TAF1A: variants seen among roughly 807,000 people sequenced by gnomAD.
The protein encoded by TAF1A is TATA box-binding protein-associated factor RNA polymerase I subunit A.
In TAF1A, 42 loss-of-function variants were observed where a neutral mutation model predicts 61.6. The observed-to-expected ratio is 0.68, with a 90% CI of 0.53 to 0.88. TAF1A has a LOEUF of 0.88. Ranked by LOEUF, TAF1A falls within the 40% of genes least tolerant of loss-of-function variation. The pLI is 0.00. For missense variants in TAF1A, 424 were observed against 518.7 expected (o/e 0.82, Z 1.77); for synonymous variants, 179 against 177.7 (o/e 1.01, Z -0.06).
rs187772024 is a variant in TAF1A, at chr1:222,576,086, A to G, written c.604+1359T>C. On this transcript the variant is annotated intron_variant, in intron 5 of 10. Coordinates refer to ENST00000352967, the MANE Select transcript of TAF1A (RefSeq NM_005681.4). ...AGATATCTGGACTAATAAAATACAC[A>G]TGAAAAAACTTAGCACAATTAGAAA... Among the ~76,000 whole-genome samples, 29 of 152,356 alleles carry G rather than the reference A, an allele frequency of 1.9e-4. No homozygotes were observed. The East Asian group carries it at 5.6e-3, about 29-fold the overall frequency.
At position 222,558,515 on chromosome 1, in the gene TAF1A, AAAT is replaced by A. The variant is rs1163321115; in HGVS notation, c.*142_*144del. ...GCAGTAATATTGTTTCTCTAGCTAT[AAAT>A]AATACAAAAATATAAAAATATATAA... On this transcript the variant is annotated 3_prime_UTR_variant, in exon 11 of 11. Coordinates refer to ENST00000352967, the MANE Select transcript of TAF1A (RefSeq NM_005681.4). 14 of 322,558 alleles carry A rather than the reference AAAT, an allele frequency of 4.3e-5. No individual in the cohort carries two copies. The highest frequency in any genetic ancestry group is 3.0e-4 in the African/African-American group (14 of 46,666). The allele number at this position is 322,558 out of a possible 1,614,324, so 20.0% of individuals were successfully genotyped here. A position where few individuals can be genotyped will look rare whatever the true frequency, so the allele number is the denominator to read the frequency against.
At chr1:222,557,883 T>A (rs1158476877), downstream of TAF1A, 2 of 122,352 alleles carry the variant, frequency 1.6e-5, no homozygotes, top group Non-Finnish European at 3.4e-5. Flanking sequence ...TCTTTTTGTT[T>A]TTTTTTTTTT....
intron 3 of TAF1A, among the ~76,000 whole-genome samples, chr1:222,583,166 CAG>C (rs1444236308): frequency 6.6e-6 from 1 of 152,064 alleles, no homozygotes; most frequent in African/African-American, 2.4e-5. Context: ...GCCTGGGCAA[CAG>C]AGCAAGACTC....
downstream of TAF1A, among the ~76,000 whole-genome samples, chr1:222,557,609 C>T (rs1032669295): frequency 2.3e-5 from 3 of 130,386 alleles, no homozygotes; most frequent in Non-Finnish European, 5.0e-5. Flanking sequence ...CACCACCAAG[C>T]CCGGCTAATT....
intron 5 of TAF1A, among the ~76,000 whole-genome samples, chr1:222,574,351 C>CA (rs1371545729): frequency 2.0e-5 from 3 of 152,044 alleles, no homozygotes; most frequent in African/African-American, 7.2e-5. Flanking sequence ...CTGACAATAA[C>CA]AAATGTTGAG....
chr1:222,561,662 A>G lies in TAF1A; in HGVS notation c.1086-144T>C, dbSNP rs140827769. On this transcript the variant is annotated intron_variant, in intron 9 of 10. Coordinates refer to ENST00000352967, the MANE Select transcript of TAF1A (RefSeq NM_005681.4). ...TCTCAATATGGCCAAGGCATAACAC[A>G]TGATTGGCAACAGCAGGAAAGCAAA... is the stretch of plus-strand genomic sequence containing the variant. 52 of 728,700 alleles carry G rather than the reference A, an allele frequency of 7.1e-5. No individual in the cohort carries two copies. In the East Asian group the frequency reaches 1.5e-3, roughly 21 times the overall value. The allele number at this position is 728,700 out of a possible 1,614,324, so 45.1% of individuals were successfully genotyped here.
At chr1:222,569,456 T>G (rs774336570) in intron 7 of TAF1A, 54 bp downstream of exon 7, 1 of 1,613,188 alleles carries the variant, frequency 6.2e-7, no homozygotes, top group Non-Finnish European at 8.5e-7. Flanking sequence ...GGCCTAAGAA[T>G]GTTTTAATGT....
Sources: gnomAD v4.1 joint callset for allele counts (sites outside exome capture counted in the v4.1 genomes callset) on GRCh38, gnomAD v4.1.1 for gene constraint, MANE v1.5 for transcripts, NCBI Gene and HGNC (gene_info 2026-07-23, HGNC 2026-07-21) for gene names.